The following ARPC4 variants were observed in gnomAD, a reference collection of about 807,000 sequenced individuals.
ARPC4 encodes the protein actin-related protein 2/3 complex subunit 4.
A neutral mutation model predicts 22.8 loss-of-function variants in ARPC4; 3 were observed. The observed-to-expected ratio is 0.13, with a 90% confidence interval of 0.06 to 0.34. The LOEUF is 0.34. Among genes scored for constraint, ARPC4 ranks in the 10% least tolerant of loss-of-function variants. The pLI is 1.00. For synonymous variants in ARPC4, 80 were observed against 72.5 expected, an observed-to-expected ratio of 1.10 and a Z score of -0.52; for missense variants, 98 against 211.0, an observed-to-expected ratio of 0.46 and a Z score of 3.32.
At chr3:9,801,048 T>TA (rs1312212481) in intron 3 of ARPC4, among the ~76,000 whole-genome samples, 1 of 151,194 alleles carries the variant, frequency 6.6e-6, no homozygotes, top group Non-Finnish European at 1.5e-5. Context: ...CTGTCTCTAC[T>TA]AAAAATACAG....
intron 4 of ARPC4, among the ~76,000 whole-genome samples, chr3:9,803,179 G>A (rs928230554): frequency 1.2e-4 from 18 of 152,162 alleles, no homozygotes; most frequent in Admixed American, 1.1e-3. Flanking sequence ...CACCGCGCCC[G>A]GCCCACTGAA....
chr3:9,800,079 A>G (rs2078975954), intron 2 of ARPC4, 106 bp from the exon 3 acceptor site: 3 of 1,124,982 alleles, frequency 2.7e-6, no homozygotes, highest in Non-Finnish European at 1.3e-6. Flanking sequence ...TGAGTCTTCT[A>G]TTCCTTGGAC....
intron 1 of ARPC4, among the ~76,000 whole-genome samples, chr3:9,796,889 C>G (rs560153916): frequency 1.0e-4 from 14 of 139,562 alleles, no homozygotes; most frequent in Non-Finnish European, 1.7e-4. Context: ...TGCAGTGAGC[C>G]GAGATCGTGC....
At position 9,806,487 on chromosome 3, in the gene ARPC4, G is replaced by A; in HGVS notation, c.*272G>A. The stretch of plus-strand genomic sequence containing the variant: ...TTTAACGTCTTGAAACTTAAACTCT[G>A]TGCTTGTAGGATACTGTAACCTTTT... On this transcript the variant is annotated 3_prime_UTR_variant, in exon 6 of 6. Coordinates refer to ENST00000397261, the MANE Select transcript of ARPC4 (RefSeq NM_005718.5). 1 of 521,080 alleles carries A rather than the reference G, an allele frequency of 1.9e-6. No homozygotes were observed. 32.3% of individuals were successfully genotyped at this position (521,080 alleles called of 1,614,324 possible).
At chr3:9,802,657 G>A (rs1386951773) in intron 4 of ARPC4, among the ~76,000 whole-genome samples, 2 of 139,850 alleles carry the variant, frequency 1.4e-5, no homozygotes, top group Non-Finnish European at 3.0e-5. Context: ...TTACAGGCTT[G>A]AGCCACCGCG....
Position 9,800,299 on chromosome 3 carries a change from A to T in ARPC4, c.234+3A>T. 6.2e-7 allele frequency: 1 copy of T among 1,613,962 alleles called. No individual in the cohort carries two copies. Among genetic ancestry groups the T allele is most frequent in the Non-Finnish European group, 8.5e-7 (1 of 1,179,960 alleles). ...GGGTCAGCATTGCTGTGAAACAGGT[A>T]AGTTCACCATGGAGGAGGCCCAACG... On this transcript the variant is annotated splice_donor_region_variant and intron_variant, in intron 3 of 5. Coordinates refer to ENST00000397261, the MANE Select transcript of ARPC4 (RefSeq NM_005718.5).
intron 4 of ARPC4, 136 bp from the exon 5 acceptor site, chr3:9,803,707 G>A: frequency 9.9e-7 from 1 of 1,010,472 alleles, no homozygotes. Flanking sequence ...TGACTGGAAG[G>A]GTATGTAGCT....
At chr3:9,806,139 C>T (rs1166967544) in intron 5 of ARPC4, 71 bp from the exon 6 acceptor site, 2 of 1,552,296 alleles carry the variant, frequency 1.3e-6, no homozygotes, top group Non-Finnish European at 1.8e-6. Context: ...CAGGTTCATG[C>T]ACCTCCTTAG....
At chr3:9,804,891 G>A (rs1243128189) in intron 5 of ARPC4, among the ~76,000 whole-genome samples, 1 of 152,222 alleles carries the variant, frequency 6.6e-6, no homozygotes, top group Non-Finnish European at 1.5e-5. Context: ...CAACCCACCT[G>A]TGTGGGAATC....
At chr3:9,794,882 G>A (rs187570883) in intron 1 of ARPC4, among the ~76,000 whole-genome samples, 1 of 152,252 alleles carries the variant, frequency 6.6e-6, no homozygotes, top group East Asian at 1.9e-4. Context: ...AGGCTTTTAA[G>A]TGTGGCTTCT....
At chr3:9,795,325 C>G (rs1320977996) in intron 1 of ARPC4, among the ~76,000 whole-genome samples, 1 of 152,106 alleles carries the variant, frequency 6.6e-6, no homozygotes, top group Non-Finnish European at 1.5e-5. Flanking sequence ...TCCACTCCAT[C>G]TAATGTCAGT....
chr3:9,795,611 G>A (rs1434406995), intron 1 of ARPC4, among the ~76,000 whole-genome samples: 1 of 151,998 alleles, frequency 6.6e-6, no homozygotes, highest in Non-Finnish European at 1.5e-5. Context: ...TACTACTCTG[G>A]AACTCTTGCT....
rs1243319204 is a variant in ARPC4 at position 9,793,347 on chromosome 3, T to A, written c.3+223T>A. ...TGAAGTGGGCCTTGTGGCTTCACGG[T>A]CAGCCTTCGAAGCAGGTAGGGGCTT... On this transcript the variant is annotated intron_variant, in intron 1 of 5. Transcript: ENST00000397261. 4.6e-5 allele frequency among the ~76,000 whole-genome samples: 7 copies of A among 152,316 alleles called. 1 individual carries two copies. In the South Asian group the frequency reaches 1.4e-3, roughly 32 times the overall value.
chr3:9,800,157 C>G, intron 2 of ARPC4, 28 bp from the exon 3 acceptor site: 1 of 1,611,372 alleles, frequency 6.2e-7, no homozygotes, highest in Non-Finnish European at 8.5e-7. Context: ...CTCTGTAGTA[C>G]AAGTACTCTG....
At chr3:9,796,500 C>T (rs935079931) in intron 1 of ARPC4, among the ~76,000 whole-genome samples, 18 of 152,154 alleles carry the variant, frequency 1.2e-4, no homozygotes, top group African/African-American at 2.4e-5. Context: ...CTTAATTAAG[C>T]TGAGATCTGG....
At chr3:9,799,975 G>T in intron 2 of ARPC4, 1 of 663,892 alleles carries the variant, frequency 1.5e-6, no homozygotes, top group Admixed American at 2.1e-5. Context: ...AGAGGAGGCT[G>T]GATTTCAAAA....
At chr3:9,792,941 C>T (rs1189473546), upstream of ARPC4, 4 of 1,414,886 alleles carry the variant, frequency 2.8e-6, no homozygotes, top group Non-Finnish European at 3.7e-6. Context: ...CCGAGACAGC[C>T]CTAGGTGGAA....
At position 9,806,311 on chromosome 3, in the gene ARPC4, G is replaced by T; in HGVS notation, c.*96G>T. 1 of 1,453,582 alleles carries T rather than the reference G, an allele frequency of 6.9e-7. No individual in the cohort carries two copies. 90.0% of individuals were successfully genotyped at this position (1,453,582 alleles called of 1,614,324 possible). ...CTCCCCGAGCAGCGCGGCGGCGGCA[G>T]GGAGTTGGGTTGGGGTGGGCATTTG... On this transcript the variant is annotated 3_prime_UTR_variant, in exon 6 of 6. Coordinates refer to ENST00000397261, the MANE Select transcript of ARPC4 (RefSeq NM_005718.5).
chr3:9,804,152 G>A, intron 5 of ARPC4, 139 bp downstream of exon 5: 2 of 888,950 alleles, frequency 2.2e-6, no homozygotes, highest in Non-Finnish European at 3.3e-6. Flanking sequence ...GGGCACAGCA[G>A]GTCAGTCAGG....
Sources: gnomAD v4.1 joint callset for allele counts (sites outside exome capture counted in the v4.1 genomes callset) on GRCh38, gnomAD v4.1.1 for gene constraint, MANE v1.5 for transcripts, NCBI Gene and HGNC (gene_info 2026-07-23, HGNC 2026-07-21) for gene names.